AKAP13: variants seen among roughly 807,000 people sequenced by gnomAD.
AKAP13 encodes the protein A-kinase anchoring protein 13.
In AKAP13, 80 loss-of-function variants were observed where a neutral mutation model predicts 264.5. The observed-to-expected ratio is 0.30, with a 90% CI of 0.25 to 0.36. The LOEUF (loss-of-function observed/expected upper bound fraction) is 0.36, where lower values mean the gene tolerates loss of function less well. Among genes scored for constraint, AKAP13 ranks in the 10% least tolerant of loss-of-function variants. The pLI, the probability that AKAP13 is intolerant of heterozygous loss-of-function variation, is 1.00. For missense variants in AKAP13, 3,712 were observed against 3,435.2 expected (o/e 1.08, Z -2.01); for synonymous variants, 1,380 against 1,250.2 (o/e 1.10, Z -2.19).
At chr15:85,527,886 A>G (rs565079811) in intron 3 of AKAP13, among the ~76,000 whole-genome samples, 1 of 152,352 alleles carries the variant, frequency 6.6e-6, no homozygotes, top group African/African-American at 2.4e-5. Flanking sequence ...GCGAAACTGA[A>G]GTAATAAAGA....
At chr15:85,686,544 T>C (rs1461639420) in intron 16 of AKAP13, among the ~76,000 whole-genome samples, 1 of 151,878 alleles carries the variant, frequency 6.6e-6, no homozygotes, top group Non-Finnish European at 1.5e-5. Flanking sequence ...GCAAAGAGTC[T>C]AGCAAATTAT....
At chr15:85,454,952 A>G (rs1567065565) in intron 1 of AKAP13, among the ~76,000 whole-genome samples, 1 of 152,180 alleles carries the variant, frequency 6.6e-6, no homozygotes, top group African/African-American at 2.4e-5. Context: ...AAAAATCACA[A>G]TTCCTTTCTG....
chr15:85,399,125 C>A (rs2071263095), intron 1 of AKAP13, among the ~76,000 whole-genome samples: 1 of 152,200 alleles, frequency 6.6e-6, no homozygotes, highest in African/African-American at 2.4e-5. Context: ...AAGCTTTTGT[C>A]ATTTATACTT....
chr15:85,492,071 A>T (rs1448887878), intron 2 of AKAP13, among the ~76,000 whole-genome samples: 1 of 152,230 alleles, frequency 6.6e-6, no homozygotes, highest in Non-Finnish European at 1.5e-5. Flanking sequence ...GTCTTATTAC[A>T]AATACCAAGT....
At chr15:85,621,915 A>G (rs770537679) in intron 8 of AKAP13, among the ~76,000 whole-genome samples, 19 of 152,218 alleles carry the variant, frequency 1.2e-4, no homozygotes, top group Non-Finnish European at 2.6e-4. Flanking sequence ...CCAATAAATA[A>G]TAAAAGATTT....
intron 19 of AKAP13, among the ~76,000 whole-genome samples, chr15:85,713,536 T>C (rs1255291659): frequency 6.9e-6 from 1 of 145,292 alleles, no homozygotes; most frequent in Non-Finnish European, 1.5e-5. Flanking sequence ...GCTCATTCTC[T>C]TTTCTACCCA....
intron 9 of AKAP13, among the ~76,000 whole-genome samples, chr15:85,641,737 C>T (rs1001310650): frequency 2.0e-5 from 3 of 151,884 alleles, no homozygotes; most frequent in Non-Finnish European, 2.9e-5. Context: ...CCATCCCCCT[C>T]ATCCTTCCAA....
intron 16 of AKAP13, chr15:85,691,859 A>G (rs776040932): frequency 6.1e-6 from 3 of 493,588 alleles, no homozygotes; most frequent in South Asian, 4.5e-5. Context: ...AGCTTCACAA[A>G]AGAGGTCAGA....
chr15:85,643,003 C>T lies in AKAP13; in HGVS notation c.4238-2815C>T, dbSNP rs541701981. Reference sequence around the variant, plus strand: ...CCCACCAACTCCTCCTAGGTTACTACATACTCTAGGAAACGTGAAAAAAAA... The same window carrying T: ...CCCACCAACTCCTCCTAGGTTACTATATACTCTAGGAAACGTGAAAAAAAA... On this transcript the variant is annotated intron_variant, in intron 9 of 36. Coordinates refer to ENST00000394518, the MANE Select transcript of AKAP13 (RefSeq NM_007200.5). Among the ~76,000 whole-genome samples the T allele has an allele frequency of 1.7e-3, 242 of 146,420 alleles. 2 individuals are homozygous for T. Among genetic ancestry groups the T allele is most frequent in the Non-Finnish European group, 1.6e-3 (109 of 66,996 alleles).
intron 2 of AKAP13, among the ~76,000 whole-genome samples, chr15:85,501,917 G>A (rs962796158): frequency 7.9e-5 from 12 of 152,224 alleles, no homozygotes; most frequent in Admixed American, 7.2e-4. Flanking sequence ...ACACTGAAAA[G>A]TGGAATTTGT....
chr15:85,645,930 C>G lies in AKAP13; in HGVS notation c.4350C>G (p.Asp1450Glu), dbSNP rs1163895429. 6.2e-7 allele frequency: 1 copy of G among 1,613,710 alleles called. No individual in the cohort carries two copies. Among genetic ancestry groups the G allele is most frequent in the Non-Finnish European group, 8.5e-7 (1 of 1,179,942 alleles). ...DSDLFHSPSD[D>E]MDSIIFPKPE... ...ACCTCTTTCACTCACCCAGTGATGACATGGACAGCATCATCTTCCCAAAGG... is the reference window on the plus strand; with the variant it reads ...ACCTCTTTCACTCACCCAGTGATGAGATGGACAGCATCATCTTCCCAAAGG... Residue 1450 changes from aspartate to glutamate, a missense_variant, in exon 10 of 37, where the codon GAC becomes GAG. Physicochemically the swap from Asp to Glu is conservative, Grantham distance 45. This residue lies in a region of AKAP13 where 2,759 missense variants were observed against 2,411.7 expected (regional missense o/e 1.14). Transcript: ENST00000394518.
intron 1 of AKAP13, among the ~76,000 whole-genome samples, chr15:85,427,296 T>C (rs2072837922): frequency 6.6e-6 from 1 of 152,124 alleles, no homozygotes; most frequent in Admixed American, 6.5e-5. Context: ...AACCTTGCTC[T>C]TAATTTGTCC....
At chr15:85,646,015 C>T in intron 10 of AKAP13, 61 bp downstream of exon 10, 1 of 1,571,908 alleles carries the variant, frequency 6.4e-7, no homozygotes, top group African/African-American at 1.4e-5. Flanking sequence ...ATTTGGGCTT[C>T]CCAAACTCTT....
intron 1 of AKAP13, among the ~76,000 whole-genome samples, chr15:85,388,839 A>G (rs1380149429): frequency 1.3e-5 from 2 of 152,166 alleles, no homozygotes; most frequent in Non-Finnish European, 2.9e-5. Flanking sequence ...TTGAGTCCTT[A>G]TCTGTTAAAT....
At chr15:85,582,142 G>GA (rs750820704) in intron 7 of AKAP13, 35 bp downstream of exon 7, 2 of 1,538,066 alleles carry the variant, frequency 1.3e-6, no homozygotes, top group African/African-American at 2.7e-5. Context: ...AACAGTCTGA[G>GA]AAGCAGATTC....
chr15:85,595,220 C>T (rs998205494), intron 8 of AKAP13, among the ~76,000 whole-genome samples: 2 of 152,090 alleles, frequency 1.3e-5, no homozygotes, highest in Non-Finnish European at 2.9e-5. Flanking sequence ...CCACCTCAGC[C>T]TCCAGAATAG....
chr15:85,729,947 A>AAAAAAC (rs898256752), intron 29 of AKAP13, among the ~76,000 whole-genome samples: 10 of 151,564 alleles, frequency 6.6e-5, no homozygotes, highest in Non-Finnish European at 1.3e-4. Context: ...TTTCCGTCTC[A>AAAAAAC]AAAAACAAAA....
chr15:85,462,161 T>C (rs1596256938), intron 1 of AKAP13, among the ~76,000 whole-genome samples: 1 of 152,338 alleles, frequency 6.6e-6, no homozygotes, highest in East Asian at 1.9e-4. Context: ...TCATGGCTTC[T>C]CACCTGATAG....
Position 85,619,512 on chromosome 15 carries a change from A to G in AKAP13, c.4162-19862A>G, listed in dbSNP as rs1289179646. ...CTTTGAAAAGCATCTCCCAGCTTCT[A>G]CTTTTTTTTAAGGAAAAGTAGATTT... On this transcript the variant is annotated intron_variant, in intron 8 of 36. Coordinates refer to ENST00000394518, the MANE Select transcript of AKAP13 (RefSeq NM_007200.5). 10 of 985,226 alleles carry G rather than the reference A, an allele frequency of 1.0e-5. No individual in the cohort carries two copies. In the African/African-American group the frequency reaches 1.6e-4, roughly 15 times the overall value. The allele number at this position is 985,226 out of a possible 1,614,324, so 61.0% of individuals were successfully genotyped here. A position where few individuals can be genotyped will look rare whatever the true frequency, so the allele number is the denominator to read the frequency against.
Sources: gnomAD v4.1 joint callset for allele counts (sites outside exome capture counted in the v4.1 genomes callset) on GRCh38, gnomAD v4.1.1 for gene constraint, gnomAD v4.1.1 regional missense constraint, MANE v1.5 for transcripts, NCBI Gene and HGNC (gene_info 2026-07-23, HGNC 2026-07-21) for gene names.